LHFPL5: variants seen among roughly 807,000 people sequenced by gnomAD.
LHFPL5 encodes the protein LHFPL tetraspan subfamily member 5.
Under a neutral mutation model 18.7 loss-of-function variants are expected in LHFPL5, and 12 were observed. That is an observed-to-expected ratio of 0.64 (90% confidence interval 0.41 to 1.04). The LOEUF is 1.04. Ranked by LOEUF, LHFPL5 falls within the 50% of genes least tolerant of loss-of-function variation. The probability of loss-of-function intolerance (pLI) is 0.00; values close to 1 mark genes in which losing one functional copy is unlikely to be tolerated. For synonymous variants in LHFPL5, 111 were observed against 120.2 expected, an observed-to-expected ratio of 0.92 and a Z score of 0.50; for missense variants, 259 against 292.1, an observed-to-expected ratio of 0.89 and a Z score of 0.83.
chr6:35,818,925 A>G (rs1768818341), intron 2 of LHFPL5, among the ~76,000 whole-genome samples: 1 of 151,398 alleles, frequency 6.6e-6, no homozygotes, highest in Non-Finnish European at 1.5e-5. Context: ...TCCGCCTCTC[A>G]TTTTCAAGCG....
At chr6:35,817,774 T>C (rs554184956) in intron 2 of LHFPL5, among the ~76,000 whole-genome samples, 133 of 152,374 alleles carry the variant, frequency 8.7e-4, no homozygotes, top group Middle Eastern at 6.8e-3. Context: ...CTTTTGCAAC[T>C]GCTGCAGAAA....
intron 2 of LHFPL5, among the ~76,000 whole-genome samples, chr6:35,816,051 G>A (rs1339267167): frequency 6.6e-6 from 1 of 152,012 alleles, no homozygotes; most frequent in East Asian, 1.9e-4. Context: ...GGCGCCTGTA[G>A]TCCCAGCTAC....
rs1460695694 is a variant in LHFPL5 at position 35,823,057 on chromosome 6, C to A, written c.*92C>A. On this transcript the variant is annotated 3_prime_UTR_variant, in exon 4 of 4. Transcript: ENST00000360215. Reference sequence around the variant, plus strand: ...ATAAGAACTTGTTCTTCCAAGTTTCCTTGTTCCTGGCTACTATAGGCCTGA... The same window carrying A: ...ATAAGAACTTGTTCTTCCAAGTTTCATTGTTCCTGGCTACTATAGGCCTGA... 1 of 152,108 alleles carries A rather than the reference C, an allele frequency of 6.6e-6. No individual in the cohort carries two copies. The highest frequency in any genetic ancestry group is 1.5e-5 in the Non-Finnish European group (1 of 68,020). The allele number at this position is 152,108 out of a possible 1,614,324, so 9.4% of individuals were successfully genotyped here.
At chr6:35,813,813 T>TTTTA (rs1768712428) in intron 1 of LHFPL5, among the ~76,000 whole-genome samples, 1 of 141,522 alleles carries the variant, frequency 7.1e-6, no homozygotes, top group South Asian at 2.4e-4. Context: ...TTTTTTTTTT[T>TTTTA]GAGACGGAGT....
intron 1 of LHFPL5, among the ~76,000 whole-genome samples, chr6:35,808,566 T>C (rs1197701806): frequency 1.0e-4 from 1 of 9,860 alleles, no homozygotes; most frequent in African/African-American, 1.7e-3. Context: ...ATTTTATACA[T>C]ATATATATAT....
chr6:35,822,635 G>T (rs1030670309), intron 3 of LHFPL5, among the ~76,000 whole-genome samples: 1 of 152,086 alleles, frequency 6.6e-6, no homozygotes, highest in African/African-American at 2.4e-5. Flanking sequence ...AGCCTCCCAA[G>T]TAGCTAGGAC....
intron 1 of LHFPL5, among the ~76,000 whole-genome samples, chr6:35,810,635 G>T (rs1768649239): frequency 6.6e-6 from 1 of 151,988 alleles, no homozygotes; most frequent in Admixed American, 6.6e-5. Flanking sequence ...GTGGGCAGGG[G>T]ATAATCCCCC....
At position 35,814,593 on chromosome 6, in the gene LHFPL5, T is replaced by A. The variant is rs147861688; in HGVS notation, c.460T>A (p.Ser154Thr). Reference sequence around the variant, plus strand: ...CCTGGTCTACCCTGATGGTTGGGACTCAAGTGAGGTGCGGCGCATGTGTGG... The same window carrying A: ...CCTGGTCTACCCTGATGGTTGGGACACAAGTGAGGTGCGGCGCATGTGTGG... ...GCLVYPDGWD[S>T]SEVRRMCGEQ... is the part of the protein sequence containing the mutation. Residue 154 changes from serine to threonine, a missense_variant, in exon 2 of 4, where the codon TCA becomes ACA. Physicochemically the swap from Ser to Thr is moderately conservative, Grantham distance 58 (BLOSUM62 1). Transcript: ENST00000360215. The surrounding 1 kb of genome is among the most constrained non-coding windows in gnomAD (Gnocchi z 4.2). The A allele has an allele frequency of 2.1e-5, 34 of 1,614,024 alleles. No individual in the cohort carries two copies. In the Admixed American group the frequency reaches 2.7e-4, roughly 13 times the overall value.
At position 35,814,481 on chromosome 6, in the gene LHFPL5, G is replaced by T. The variant is rs919121878; in HGVS notation, c.413-65G>T. On this transcript the variant is annotated intron_variant, in intron 1 of 3. Coordinates refer to ENST00000360215, the MANE Select transcript of LHFPL5 (RefSeq NM_182548.4). This position sits in a 1 kb window ranked among gnomAD's most constrained non-coding sequence, Gnocchi z 4.2. ...GGTGACAACATAACAGCAGTGCAAG[G>T]TGTGGGAGGTAGCGGGCTAGGCACA... The T allele has an allele frequency of 1.2e-4, 149 of 1,206,590 alleles. No individual in the cohort carries two copies. Among genetic ancestry groups the T allele is most frequent in the African/African-American group, 1.9e-4 (13 of 67,030 alleles). The allele number at this position is 1,206,590 out of a possible 1,614,324, so 74.7% of individuals were successfully genotyped here.
intron 3 of LHFPL5, among the ~76,000 whole-genome samples, chr6:35,822,730 G>A (rs1311848299): frequency 4.7e-5 from 7 of 150,028 alleles, no homozygotes; most frequent in South Asian, 2.1e-4. Context: ...CTCGTGATCC[G>A]CCCGCCTTGG....
chr6:35,817,981 A>G (rs759248962), intron 2 of LHFPL5, among the ~76,000 whole-genome samples: 44 of 152,372 alleles, frequency 2.9e-4, no homozygotes, highest in Non-Finnish European at 4.1e-4. Context: ...CCTGATGAAC[A>G]GATAAACAAA....
intron 1 of LHFPL5, among the ~76,000 whole-genome samples, chr6:35,813,346 A>G (rs1768701952): frequency 7.1e-6 from 1 of 141,436 alleles, no homozygotes; most frequent in Non-Finnish European, 1.5e-5. Context: ...CCAGGTTCAC[A>G]CCATTCTCCT....
At position 35,814,767 on chromosome 6, in the gene LHFPL5, A is replaced by G. The variant is rs375556198; in HGVS notation, c.634A>G (p.Lys212Glu). The change falls in exon 2 of 4, where the codon AAG becomes GAG. Residue 212 changes from lysine to glutamate, a missense_variant. Coordinates refer to ENST00000360215, the MANE Select transcript of LHFPL5 (RefSeq NM_182548.4). This position sits in a 1 kb window ranked among gnomAD's most constrained non-coding sequence, Gnocchi z 4.2. ...GGACAAGCTCCTCCCTGACGACTAC[A>G]AGGCAGATGGAACCGGTAATCACCC... The part of the protein sequence containing the change: ...RQDKLLPDDY[K>E]ADGTEEV 3 of 1,613,898 alleles carry G rather than the reference A, an allele frequency of 1.9e-6. No homozygotes were observed. Among genetic ancestry groups the G allele is most frequent in the Middle Eastern group, 1.6e-4 (1 of 6,062 alleles).
chr6:35,819,713 T>C lies in LHFPL5; in HGVS notation c.*16+250T>C. The C allele has an allele frequency of 1.5e-5, 8 of 542,944 alleles. No homozygotes were observed. In the South Asian group the frequency reaches 1.7e-4, roughly 11 times the overall value. The allele number at this position is 542,944 out of a possible 1,614,324, so 33.6% of individuals were successfully genotyped here. A position where few individuals can be genotyped will look rare whatever the true frequency, so the allele number is the denominator to read the frequency against. On this transcript the variant is annotated intron_variant, in intron 3 of 3. Transcript: ENST00000360215. ...TTTTTTTGAGATGGAATTTCGCTCT[T>C]GTTGCCCAAGCTGGAGTGCAATGGT...
At chr6:35,819,803 G>A (rs1887170) in intron 3 of LHFPL5, 95,936 of 332,350 alleles carry the variant, frequency 0.29, 14,897 homozygotes, top group South Asian at 0.4. Flanking sequence ...TCAGCCTCCC[G>A]AGTAGCTGGG....
In LHFPL5 at chr6:35,814,811, C is replaced by T. The variant is rs1289704746; in HGVS notation, c.649+29C>T. The T allele has an allele frequency of 6.3e-7, 1 of 1,586,764 alleles. No individual in the cohort carries two copies. Among genetic ancestry groups the T allele is most frequent in the African/African-American group, 1.3e-5 (1 of 74,314 alleles). On this transcript the variant is annotated intron_variant, in intron 2 of 3. Coordinates refer to ENST00000360215, the MANE Select transcript of LHFPL5 (RefSeq NM_182548.4). This position sits in a 1 kb window ranked among gnomAD's most constrained non-coding sequence, Gnocchi z 4.2. The stretch of plus-strand genomic sequence containing the variant: ...ATCACCCAACTCCACAATGGTGTCC[C>T]CTGCCTGGAGACCCTGGGATGTGGG...
intron 1 of LHFPL5, among the ~76,000 whole-genome samples, chr6:35,813,293 T>G (rs1393919517): frequency 7.5e-6 from 1 of 132,530 alleles, no homozygotes; most frequent in Non-Finnish European, 1.6e-5. Flanking sequence ...TTGCCCAGGC[T>G]GGAGTGCAGG....
chr6:35,805,848 G>A lies in LHFPL5; in HGVS notation c.178G>A (p.Gly60Ser). 4 of 1,614,240 alleles carry A rather than the reference G, an allele frequency of 2.5e-6. No homozygotes were observed. The highest frequency in any genetic ancestry group is 3.4e-6 in the Non-Finnish European group (4 of 1,180,040). ...CGACAGCGTCAACACACCGCAGGCAGGCTACTTCGGCCTTTTCTCCTACTG... is the reference window on the plus strand; with the variant it reads ...CGACAGCGTCAACACACCGCAGGCAAGCTACTTCGGCCTTTTCTCCTACTG... ...IGDSVNTPQA[G>S]YFGLFSYCVG... Residue 60 changes from glycine to serine, a missense_variant, in exon 1 of 4, where the codon GGC becomes AGC. Transcript: ENST00000360215. The surrounding 1 kb of genome is among the most constrained non-coding windows in gnomAD (Gnocchi z 4.3).
chr6:35,809,652 T>C (rs1581969442), intron 1 of LHFPL5, among the ~76,000 whole-genome samples: 1 of 152,030 alleles, frequency 6.6e-6, no homozygotes. Context: ...TACAGGTGCA[T>C]GCCAGCACAC....
Sources: gnomAD v4.1 joint callset for allele counts (sites outside exome capture counted in the v4.1 genomes callset) on GRCh38, gnomAD v4.1.1 for gene constraint, Gnocchi (gnomAD v3.1) non-coding constraint, MANE v1.5 for transcripts, NCBI Gene and HGNC (gene_info 2026-07-23, HGNC 2026-07-21) for gene names.